The following NKAIN3 variants were observed in gnomAD, a reference collection of about 807,000 sequenced individuals.
The protein encoded by NKAIN3 is sodium/potassium-transporting ATPase subunit beta-1-interacting protein 3.
A neutral mutation model predicts 30.2 loss-of-function variants in NKAIN3; 25 were observed. The ratio of observed to expected loss-of-function variants is 0.83; its 90% CI spans 0.60 to 1.16. NKAIN3 has a LOEUF of 1.16. Ranked by LOEUF, NKAIN3 falls within the 50% of genes most tolerant of loss-of-function variation. The pLI is 0.00. For synonymous variants in NKAIN3, 91 were observed against 89.6 expected, an observed-to-expected ratio of 1.02 and a Z score of -0.09; for missense variants, 225 against 254.1, an observed-to-expected ratio of 0.89 and a Z score of 0.78.
chr8:62,712,968 G>A (rs970059180), intron 3 of NKAIN3, among the ~76,000 whole-genome samples: 6 of 152,046 alleles, frequency 3.9e-5, no homozygotes, highest in Admixed American at 2.0e-4. Flanking sequence ...AAGTAAAGTC[G>A]GAAACTTCTC....
intron 4 of NKAIN3, among the ~76,000 whole-genome samples, chr8:62,748,345 GAAA>G (rs796096512): frequency 1.1e-4 from 17 of 148,572 alleles, no homozygotes; most frequent in East Asian, 4.0e-4. Context: ...CTCTTTCTGG[GAAA>G]AAAAAAAAAT....
At chr8:62,537,584 T>C (rs1808703156) in intron 1 of NKAIN3, among the ~76,000 whole-genome samples, 1 of 151,970 alleles carries the variant, frequency 6.6e-6, no homozygotes, top group African/African-American at 2.4e-5. Context: ...TTTTTTATTT[T>C]GACTATATTA....
intron 3 of NKAIN3, among the ~76,000 whole-genome samples, chr8:62,633,330 T>C (rs924664425): frequency 1.3e-5 from 2 of 152,196 alleles, no homozygotes. Context: ...GATAACCCTG[T>C]CTGTCACTAA....
At position 62,971,889 on chromosome 8, in the gene NKAIN3, A is replaced by G. The variant is rs764594612; in HGVS notation, c.*6482A>G. Reference sequence around the variant, plus strand: ...TTCCTTATCTTGTCTTTGTGGTTAGAAAGAAATGAAAATAAATCAGTAGCA... The same window carrying G: ...TTCCTTATCTTGTCTTTGTGGTTAGGAAGAAATGAAAATAAATCAGTAGCA... On this transcript the variant is annotated 3_prime_UTR_variant, in exon 7 of 7. Coordinates refer to ENST00000623646, the MANE Select transcript of NKAIN3 (RefSeq NM_001304533.3). Among the ~76,000 whole-genome samples, 1 of 152,176 alleles carries G rather than the reference A, an allele frequency of 6.6e-6. No individual in the cohort carries two copies. Among genetic ancestry groups the G allele is most frequent in the African/African-American group, 2.4e-5 (1 of 41,446 alleles).
chr8:62,644,226 A>G (rs768492132), intron 3 of NKAIN3, among the ~76,000 whole-genome samples: 3 of 152,098 alleles, frequency 2.0e-5, no homozygotes, highest in South Asian at 2.1e-4. Context: ...TCCTGCTGCT[A>G]CTAGGCTCCT....
intron 1 of NKAIN3, among the ~76,000 whole-genome samples, chr8:62,465,688 G>A (rs1806141413): frequency 6.6e-6 from 1 of 152,150 alleles, no homozygotes; most frequent in South Asian, 2.1e-4. Flanking sequence ...TCCTGCTCTT[G>A]GTCTAATTAC....
At chr8:62,669,522 G>A (rs1586071036) in intron 3 of NKAIN3, among the ~76,000 whole-genome samples, 1 of 152,156 alleles carries the variant, frequency 6.6e-6, no homozygotes, top group East Asian at 1.9e-4. Context: ...TCCATTTAGG[G>A]GAAAGGTATT....
chr8:62,845,118 T>C (rs985832600), intron 4 of NKAIN3, among the ~76,000 whole-genome samples: 4 of 151,450 alleles, frequency 2.6e-5, no homozygotes, highest in Admixed American at 2.0e-4. Context: ...AAAAGGAATA[T>C]TAGATCATGT....
intron 3 of NKAIN3, among the ~76,000 whole-genome samples, chr8:62,733,025 T>TATCA (rs1229343034): frequency 4.6e-5 from 7 of 152,236 alleles, no homozygotes; most frequent in African/African-American, 1.4e-4. Flanking sequence ...TTCCTGACAC[T>TATCA]ATCATTATAT....
At chr8:62,376,592 C>T (rs1184514783) in intron 1 of NKAIN3, among the ~76,000 whole-genome samples, 1 of 152,172 alleles carries the variant, frequency 6.6e-6, no homozygotes, top group African/African-American at 2.4e-5. Flanking sequence ...GTCTACCTTG[C>T]TCTCTGTAAC....
chr8:62,773,991 T>G (rs192980497), intron 4 of NKAIN3, among the ~76,000 whole-genome samples: 1 of 152,178 alleles, frequency 6.6e-6, no homozygotes, highest in Non-Finnish European at 1.5e-5. Flanking sequence ...CTGTAGACTG[T>G]TTTTGGTAAT....
intron 3 of NKAIN3, among the ~76,000 whole-genome samples, chr8:62,674,584 G>A (rs941678473): frequency 2.6e-5 from 4 of 152,154 alleles, no homozygotes; most frequent in African/African-American, 9.7e-5. Flanking sequence ...GCAAGGAAGT[G>A]AATAATTAAC....
chr8:62,582,743 C>G (rs1203566858), intron 2 of NKAIN3, among the ~76,000 whole-genome samples: 1 of 152,202 alleles, frequency 6.6e-6, no homozygotes, highest in Non-Finnish European at 1.5e-5. Flanking sequence ...GTCAGAGGCC[C>G]TGCTCTGCAG....
At chr8:62,655,622 A>G (rs1812741643) in intron 3 of NKAIN3, among the ~76,000 whole-genome samples, 1 of 152,202 alleles carries the variant, frequency 6.6e-6, no homozygotes. Flanking sequence ...TAATTTAGAC[A>G]ACTATGTTGG....
chr8:62,828,350 C>T (rs10106468), intron 4 of NKAIN3, among the ~76,000 whole-genome samples: 3,820 of 152,066 alleles, frequency 0.025, 153 homozygotes, highest in African/African-American at 0.087. Flanking sequence ...CAAATCTACA[C>T]ACATATTAAA....
intron 4 of NKAIN3, among the ~76,000 whole-genome samples, chr8:62,823,114 G>A (rs1818902668): frequency 6.6e-6 from 1 of 152,150 alleles, no homozygotes; most frequent in Non-Finnish European, 1.5e-5. Context: ...GTGAGTGAAT[G>A]TGAAGGCCTG....
chr8:62,689,281 G>A (rs578233570), intron 3 of NKAIN3, among the ~76,000 whole-genome samples: 38 of 152,194 alleles, frequency 2.5e-4, no homozygotes, highest in South Asian at 6.2e-4. Context: ...ATAGTCTCAT[G>A]CTTACTCTGT....
intron 1 of NKAIN3, among the ~76,000 whole-genome samples, chr8:62,338,320 A>C (rs764383649): frequency 3.9e-5 from 6 of 152,048 alleles, no homozygotes; most frequent in Non-Finnish European, 8.8e-5. Context: ...ATTAATATAC[A>C]ATTATAAAAT....
chr8:62,771,117 T>A (rs963242468), intron 4 of NKAIN3, among the ~76,000 whole-genome samples: 1 of 152,078 alleles, frequency 6.6e-6, no homozygotes, highest in African/African-American at 2.4e-5. Flanking sequence ...TGTCCAAAAT[T>A]TTAAAAATCA....
Sources: gnomAD v4.1 joint callset for allele counts (sites outside exome capture counted in the v4.1 genomes callset) on GRCh38, gnomAD v4.1.1 for gene constraint, MANE v1.5 for transcripts, NCBI Gene and HGNC (gene_info 2026-07-23, HGNC 2026-07-21) for gene names.